Variants in LRRC4C observed in about 807,000 individuals in gnomAD.
LRRC4C encodes leucine rich repeat containing 4C, also known as leucine-rich repeat-containing protein 4C.
A neutral mutation model predicts 33.6 loss-of-function variants in LRRC4C; 5 were observed. The ratio of observed to expected loss-of-function variants is 0.15; its 90% confidence interval spans 0.08 to 0.31. LRRC4C has a LOEUF of 0.31. Ranked by LOEUF, LRRC4C falls within the 10% of genes least tolerant of loss-of-function variation. The probability of loss-of-function intolerance (pLI) is 1.00; values close to 1 mark genes in which losing one functional copy is unlikely to be tolerated. For missense variants in LRRC4C, 560 were observed against 796.7 expected (o/e 0.70, Z 3.58); for synonymous variants, 329 against 302.0 (o/e 1.09, Z -0.93).
chr11:41,137,194 A>T (rs1213978060), intron 1 of LRRC4C, among the ~76,000 whole-genome samples: 1 of 152,016 alleles, frequency 6.6e-6, no homozygotes, highest in Non-Finnish European at 1.5e-5. Context: ...GTGAGCTGAG[A>T]TCATGCCACT....
intron 1 of LRRC4C, among the ~76,000 whole-genome samples, chr11:40,939,933 T>C (rs1039284758): frequency 2.6e-5 from 4 of 152,144 alleles, no homozygotes; most frequent in African/African-American, 9.7e-5. Context: ...GGACAGCACC[T>C]GCACTCCATC....
chr11:40,562,975 A>G lies in LRRC4C; in HGVS notation c.-270+85167T>C, dbSNP rs187183741. On this transcript the variant is annotated intron_variant, in intron 3 of 6. Coordinates refer to ENST00000528697, the MANE Select transcript of LRRC4C (RefSeq NM_001258419.2). ...TTTTTTTGTGATGTCAGACTCACCT[A>G]GTGATCAGAAGGCTCTCTCTGCCTA... Among the ~76,000 whole-genome samples, 173 of 147,066 alleles carry G rather than the reference A, an allele frequency of 1.2e-3. 1 individual carries two copies. In the Middle Eastern group the frequency reaches 0.017, roughly 15 times the overall value.
At chr11:41,233,374 G>C (rs1947884153) in intron 1 of LRRC4C, among the ~76,000 whole-genome samples, 1 of 151,844 alleles carries the variant, frequency 6.6e-6, no homozygotes, top group Admixed American at 6.6e-5. Context: ...ACCTGAGAAA[G>C]TCTTGACATT....
intron 1 of LRRC4C, among the ~76,000 whole-genome samples, chr11:41,170,612 G>C (rs530136261): frequency 6.0e-4 from 91 of 152,268 alleles, no homozygotes; most frequent in Non-Finnish European, 1.2e-3. Flanking sequence ...TTTCAAGATG[G>C]ATTAAAGACT....
chr11:40,515,415 T>C (rs1418110170), intron 3 of LRRC4C, among the ~76,000 whole-genome samples: 2 of 152,076 alleles, frequency 1.3e-5, no homozygotes, highest in Admixed American at 1.3e-4. Flanking sequence ...AAAACTTTCT[T>C]TTCTATATGT....
At chr11:40,318,042 T>C (rs1022650249) in intron 4 of LRRC4C, among the ~76,000 whole-genome samples, 3 of 152,138 alleles carry the variant, frequency 2.0e-5, no homozygotes, top group African/African-American at 7.2e-5. Flanking sequence ...ATCAGTCTAG[T>C]AGACCTTTGG....
intron 3 of LRRC4C, among the ~76,000 whole-genome samples, chr11:40,489,915 G>A (rs757902266): frequency 3.3e-5 from 5 of 152,104 alleles, no homozygotes; most frequent in Non-Finnish European, 5.9e-5. Flanking sequence ...CACTCACTGT[G>A]TGTCTGGACC....
At chr11:40,578,037 T>C (rs1958277862) in intron 3 of LRRC4C, among the ~76,000 whole-genome samples, 1 of 150,986 alleles carries the variant, frequency 6.6e-6, no homozygotes, top group South Asian at 2.1e-4. Context: ...GGTTTCACCG[T>C]GTTAGCCAGG....
At chr11:40,708,906 G>A (rs1946318679) in intron 2 of LRRC4C, among the ~76,000 whole-genome samples, 1 of 152,124 alleles carries the variant, frequency 6.6e-6, no homozygotes, top group South Asian at 2.1e-4. Context: ...ATTATTGGAT[G>A]CATATATATT....
At chr11:41,444,512 G>A (rs1305696605) in intron 1 of LRRC4C, among the ~76,000 whole-genome samples, 1 of 152,150 alleles carries the variant, frequency 6.6e-6, no homozygotes, top group African/African-American at 2.4e-5. Flanking sequence ...GATACCAAGG[G>A]ACGACTATTA....
intron 2 of LRRC4C, among the ~76,000 whole-genome samples, chr11:40,775,391 A>C (rs1949948546): frequency 6.7e-6 from 1 of 148,866 alleles, no homozygotes; most frequent in Non-Finnish European, 1.5e-5. Context: ...GCCTGCCTGG[A>C]TGACAAGGCG....
At chr11:40,486,944 A>T (rs961389836) in intron 3 of LRRC4C, among the ~76,000 whole-genome samples, 5 of 152,052 alleles carry the variant, frequency 3.3e-5, no homozygotes, top group African/African-American at 1.2e-4. Flanking sequence ...TCACTCTTTC[A>T]ATCTTTTTTG....
chr11:40,815,971 C>T (rs867840628), intron 2 of LRRC4C, among the ~76,000 whole-genome samples: 2 of 152,088 alleles, frequency 1.3e-5, no homozygotes, highest in African/African-American at 2.4e-5. Flanking sequence ...TTATTTAATG[C>T]GATTTCACGA....
chr11:41,442,595 G>C (rs1201585659), intron 1 of LRRC4C, among the ~76,000 whole-genome samples: 1 of 146,970 alleles, frequency 6.8e-6, no homozygotes, highest in South Asian at 2.2e-4. Context: ...TCAGCCTCCC[G>C]AGTAGCTGGG....
intron 2 of LRRC4C, among the ~76,000 whole-genome samples, chr11:40,679,646 G>A (rs1944577933): frequency 6.6e-6 from 1 of 152,188 alleles, no homozygotes; most frequent in Non-Finnish European, 1.5e-5. Context: ...GAAGCCCCAA[G>A]CCTTGGCAGC....
intron 2 of LRRC4C, among the ~76,000 whole-genome samples, chr11:40,748,002 G>A (rs1236359285): frequency 6.6e-6 from 1 of 152,138 alleles, no homozygotes; most frequent in African/African-American, 2.4e-5. Flanking sequence ...AAATAGGATG[G>A]ATGAAAACTT....
intron 1 of LRRC4C, among the ~76,000 whole-genome samples, chr11:41,169,873 A>G (rs1034287044): frequency 6.6e-6 from 1 of 152,192 alleles, no homozygotes; most frequent in African/African-American, 2.4e-5. Flanking sequence ...TTTAATATGA[A>G]ATAAATCACT....
At chr11:41,018,641 A>G (rs1446744323) in intron 1 of LRRC4C, among the ~76,000 whole-genome samples, 4 of 152,134 alleles carry the variant, frequency 2.6e-5, no homozygotes, top group Admixed American at 1.3e-4. Flanking sequence ...ACCTCTACAA[A>G]GGCACTCCTT....
At chr11:40,704,905 A>G (rs1273848329) in intron 2 of LRRC4C, among the ~76,000 whole-genome samples, 1 of 152,158 alleles carries the variant, frequency 6.6e-6, no homozygotes, top group Non-Finnish European at 1.5e-5. Flanking sequence ...ACAATTGAAG[A>G]GAAAACATCT....
Sources: gnomAD v4.1 joint callset for allele counts (sites outside exome capture counted in the v4.1 genomes callset) on GRCh38, gnomAD v4.1.1 for gene constraint, MANE v1.5 for transcripts, NCBI Gene and HGNC (gene_info 2026-07-23, HGNC 2026-07-21) for gene names.